The following SNTG1 variants were observed in gnomAD, a reference collection of about 807,000 sequenced individuals.
SNTG1 encodes the protein syntrophin gamma 1, also known as gamma-1-syntrophin.
Under a neutral mutation model 74.7 loss-of-function variants are expected in SNTG1, and 39 were observed. That is an observed-to-expected ratio of 0.52 (90% CI 0.40 to 0.68). The LOEUF (loss-of-function observed/expected upper bound fraction) is 0.68, where lower values mean the gene tolerates loss of function less well. SNTG1 is among the 30% of genes least tolerant of loss of function. The probability of loss-of-function intolerance (pLI) is 0.00; values close to 1 mark genes in which losing one functional copy is unlikely to be tolerated. For missense variants in SNTG1, 685 were observed against 609.5 expected, an observed-to-expected ratio of 1.12 and a Z score of -1.30; for synonymous variants, 254 against 217.1, an observed-to-expected ratio of 1.17 and a Z score of -1.49.
chr8:50,456,023 G>T (rs550967593), intron 8 of SNTG1, among the ~76,000 whole-genome samples: 7 of 152,106 alleles, frequency 4.6e-5, no homozygotes, highest in African/African-American at 1.2e-4. Flanking sequence ...AATGTTTAGC[G>T]CAAAGACAAA....
intron 1 of SNTG1, among the ~76,000 whole-genome samples, chr8:50,100,481 C>T (rs1340030275): frequency 6.6e-6 from 1 of 151,992 alleles, no homozygotes; most frequent in Non-Finnish European, 1.5e-5. Flanking sequence ...GCTGATTACC[C>T]TGATTTGATC....
intron 13 of SNTG1, among the ~76,000 whole-genome samples, chr8:50,611,491 C>T (rs1048594842): frequency 6.6e-6 from 1 of 151,996 alleles, no homozygotes; most frequent in African/African-American, 2.4e-5. Flanking sequence ...GGATTATAAT[C>T]GATTTGCTGG....
At chr8:50,250,789 C>T (rs1284485490) in intron 2 of SNTG1, among the ~76,000 whole-genome samples, 2 of 151,992 alleles carry the variant, frequency 1.3e-5, no homozygotes, top group Non-Finnish European at 2.9e-5. Flanking sequence ...AAGACCTTCG[C>T]AGACAAGCAA....
At chr8:49,929,084 G>A (rs1228593860) in intron 1 of SNTG1, among the ~76,000 whole-genome samples, 3 of 151,910 alleles carry the variant, frequency 2.0e-5, no homozygotes, top group Admixed American at 6.6e-5. Context: ...ATTATGGTAG[G>A]ACATCAAGAA....
At chr8:50,135,975 C>T (rs1393916378) in intron 1 of SNTG1, among the ~76,000 whole-genome samples, 1 of 152,112 alleles carries the variant, frequency 6.6e-6, no homozygotes, top group South Asian at 2.1e-4. Context: ...CAATGTTTAG[C>T]TCCCAGTTAT....
At chr8:50,774,927 ATAAC>A (rs1204860357) in intron 18 of SNTG1, among the ~76,000 whole-genome samples, 2 of 151,070 alleles carry the variant, frequency 1.3e-5, no homozygotes, top group African/African-American at 4.8e-5. Context: ...AACTAATAAA[ATAAC>A]TAATGATAAA....
chr8:50,323,422 G>A (rs890909193), intron 2 of SNTG1, among the ~76,000 whole-genome samples: 15 of 152,024 alleles, frequency 9.9e-5, no homozygotes, highest in African/African-American at 3.4e-4. Flanking sequence ...TTGGTGTCTG[G>A]GCATTAAAGA....
At chr8:50,714,850 T>C (rs1395423391) in intron 17 of SNTG1, among the ~76,000 whole-genome samples, 1 of 151,838 alleles carries the variant, frequency 6.6e-6, no homozygotes, top group Non-Finnish European at 1.5e-5. Context: ...ATCAAGCAGG[T>C]GGGGGCAATA....
chr8:50,691,440 C>A (rs1232239233), intron 15 of SNTG1, among the ~76,000 whole-genome samples: 1 of 152,102 alleles, frequency 6.6e-6, no homozygotes, highest in Non-Finnish European at 1.5e-5. Flanking sequence ...TTAGTGCAGG[C>A]CTGGTGGTGA....
At chr8:50,089,399 G>A (rs1302710379) in intron 1 of SNTG1, among the ~76,000 whole-genome samples, 1 of 150,116 alleles carries the variant, frequency 6.7e-6, no homozygotes, top group African/African-American at 2.4e-5. Flanking sequence ...AGCCAAAATT[G>A]ACAAATGGGA....
intron 18 of SNTG1, among the ~76,000 whole-genome samples, chr8:50,775,290 G>C (rs764960085): frequency 6.6e-6 from 1 of 151,490 alleles, no homozygotes; most frequent in South Asian, 2.1e-4. Context: ...TCAAGAGATT[G>C]ACAGTGAAAC....
intron 1 of SNTG1, among the ~76,000 whole-genome samples, chr8:50,125,722 A>G (rs2081117160): frequency 6.6e-6 from 1 of 150,756 alleles, no homozygotes; most frequent in Non-Finnish European, 1.5e-5. Flanking sequence ...GTGTCATTGT[A>G]CAGTGACTTG....
At chr8:50,552,955 T>A (rs895987537) in intron 11 of SNTG1, 95 bp from the exon 12 acceptor site, 3 of 1,426,218 alleles carry the variant, frequency 2.1e-6, no homozygotes, top group East Asian at 4.7e-5. Context: ...ATATTTATAT[T>A]GTATGAAAGA....
intron 1 of SNTG1, among the ~76,000 whole-genome samples, chr8:49,936,277 AT>A (rs1489691877): frequency 2.0e-5 from 3 of 152,022 alleles, no homozygotes; most frequent in Non-Finnish European, 4.4e-5. Flanking sequence ...TACAAAGAAC[AT>A]TTTCCTTTTT....
chr8:50,643,279 C>T (rs926226603), intron 13 of SNTG1, among the ~76,000 whole-genome samples: 1 of 152,136 alleles, frequency 6.6e-6, no homozygotes, highest in Non-Finnish European at 1.5e-5. Flanking sequence ...TCCTGATTGC[C>T]ACTCTCCAAA....
At position 50,402,155 on chromosome 8, in the gene SNTG1, A is replaced by G. The variant is rs2092813698; in HGVS notation, c.28-55A>G. ...TGCTGTAAACTGGCCACAAAATTAC[A>G]ACCTATAAACTAAGTATAATTTTTC... On this transcript the variant is annotated intron_variant, in intron 3 of 18. Transcript: ENST00000642720. 5 of 1,546,070 alleles carry G rather than the reference A, an allele frequency of 3.2e-6. No individual in the cohort carries two copies. In the Admixed American group the frequency reaches 8.8e-5, roughly 27 times the overall value.
rs543414013 is a variant in SNTG1 at position 50,500,976 on chromosome 8, G to A, written c.364-1802G>A. On this transcript the variant is annotated intron_variant, in intron 8 of 18. Transcript: ENST00000642720. ...CAGAGGAGGATAGTCTCAGGACCTT[G>A]ACAAAGTGGCCTCCCTCACTGGGCA... Among the ~76,000 whole-genome samples the A allele has an allele frequency of 3.3e-5, 5 of 152,206 alleles. No homozygotes were observed. The South Asian group carries it at 8.3e-4, about 25-fold the overall frequency.
In SNTG1 at chr8:50,730,473, G is replaced by A. The variant is rs117338643; in HGVS notation, c.1284+21495G>A. On this transcript the variant is annotated intron_variant, in intron 17 of 18. Transcript: ENST00000642720. ...AGCACTCTGTTTGCTCTGACATTAGGGGCATTACATGACAAAAGCTTTATG... is the reference window on the plus strand; with the variant it reads ...AGCACTCTGTTTGCTCTGACATTAGAGGCATTACATGACAAAAGCTTTATG... Among the ~76,000 whole-genome samples, 30 of 152,116 alleles carry A rather than the reference G, an allele frequency of 2.0e-4. No individual in the cohort carries two copies. In the East Asian group the frequency reaches 5.0e-3, roughly 25 times the overall value.
rs190211456 is a variant in SNTG1, at chr8:50,574,072, C to T, written c.811-16807C>T. On this transcript the variant is annotated intron_variant, in intron 12 of 18. Coordinates refer to ENST00000642720, the MANE Select transcript of SNTG1 (RefSeq NM_018967.5). ...AGTAATTACCTGTAACATCTCAACC[C>T]ATTTATGCCTAGGGTTCCATTATTG... 1.8e-3 allele frequency among the ~76,000 whole-genome samples: 276 copies of T among 152,040 alleles called. 2 individuals carry two copies. The highest frequency in any genetic ancestry group is 6.5e-3 in the African/African-American group (271 of 41,510).
Sources: allele counts gnomAD v4.1 joint callset (sites outside exome capture counted in the v4.1 genomes callset), GRCh38; gene constraint gnomAD v4.1.1; transcripts MANE v1.5; gene names NCBI Gene and HGNC (gene_info 2026-07-23, HGNC 2026-07-21).